BMERB1: variants seen among roughly 807,000 people sequenced by gnomAD.
The protein encoded by BMERB1 is bMERB domain containing 1.
In BMERB1, 12 loss-of-function variants were observed where a neutral mutation model predicts 23.6. The observed-to-expected ratio is 0.51, with a 90% CI of 0.33 to 0.82. The LOEUF (loss-of-function observed/expected upper bound fraction) is 0.82, where lower values mean the gene tolerates loss of function less well. BMERB1 is among the 40% of genes least tolerant of loss of function. The pLI is 0.03. For synonymous variants in BMERB1, 122 were observed against 96.6 expected, an observed-to-expected ratio of 1.26 and a Z score of -1.54; for missense variants, 247 against 255.4, an observed-to-expected ratio of 0.97 and a Z score of 0.22.
At chr16:15,457,090 T>C (rs971455073) in intron 1 of BMERB1, among the ~76,000 whole-genome samples, 2 of 152,186 alleles carry the variant, frequency 1.3e-5, no homozygotes, top group Non-Finnish European at 2.9e-5. Flanking sequence ...CCTCCCAAAA[T>C]GCTGGGATTG....
chr16:15,450,332 G>GA (rs1473216835), intron 1 of BMERB1, among the ~76,000 whole-genome samples: 4 of 151,242 alleles, frequency 2.6e-5, no homozygotes, highest in Non-Finnish European at 5.9e-5. Flanking sequence ...TCTCAAAAAA[G>GA]AAAAAAAAGG....
chr16:15,580,221 C>A (rs2030973315), intron 3 of BMERB1, among the ~76,000 whole-genome samples: 1 of 149,632 alleles, frequency 6.7e-6, no homozygotes, highest in Admixed American at 6.6e-5. Context: ...CTCAGCCTCC[C>A]AAGTAGCTGA....
intron 2 of BMERB1, among the ~76,000 whole-genome samples, chr16:15,529,676 T>C (rs2051948259): frequency 6.6e-6 from 1 of 152,022 alleles, no homozygotes; most frequent in African/African-American, 2.4e-5. Flanking sequence ...TGAAGATTGA[T>C]TGAATGAATT....
chr16:15,566,044 TC>T (rs79550166), intron 2 of BMERB1, among the ~76,000 whole-genome samples: 15,057 of 152,198 alleles, frequency 0.099, 2,278 homozygotes, highest in African/African-American at 0.33. Flanking sequence ...CTGATGTTCA[TC>T]CTGCAGTGGC....
intron 2 of BMERB1, among the ~76,000 whole-genome samples, chr16:15,523,609 C>T (rs924769711): frequency 6.6e-6 from 1 of 152,182 alleles, no homozygotes; most frequent in Non-Finnish European, 1.5e-5. Context: ...AATTCTACTT[C>T]TTACCAACTG....
intron 4 of BMERB1, among the ~76,000 whole-genome samples, chr16:15,582,120 G>T (rs145427131): frequency 6.6e-6 from 1 of 152,196 alleles, no homozygotes; most frequent in African/African-American, 2.4e-5. Context: ...TTCTATGGTC[G>T]GGTACAGTGG....
At chr16:15,562,382 C>T (rs2030448201) in intron 2 of BMERB1, among the ~76,000 whole-genome samples, 1 of 151,900 alleles carries the variant, frequency 6.6e-6, no homozygotes, top group African/African-American at 2.4e-5. Flanking sequence ...GTACCATGGC[C>T]CTTTGAGCCA....
chr16:15,435,208 C>T (rs1303120613), intron 1 of BMERB1, among the ~76,000 whole-genome samples: 1 of 152,198 alleles, frequency 6.6e-6, no homozygotes, highest in African/African-American at 2.4e-5. Flanking sequence ...CTTTCCTACC[C>T]CCTGCGTGAG....
intron 1 of BMERB1, among the ~76,000 whole-genome samples, chr16:15,495,568 A>G (rs983631977): frequency 6.6e-6 from 1 of 151,922 alleles, no homozygotes; most frequent in Non-Finnish European, 1.5e-5. Flanking sequence ...GGGTTTCACC[A>G]TGTTAGCCAG....
At chr16:15,572,915 G>C (rs551720246) in intron 3 of BMERB1, among the ~76,000 whole-genome samples, 1 of 152,188 alleles carries the variant, frequency 6.6e-6, no homozygotes, top group South Asian at 2.1e-4. Flanking sequence ...TTCCCCTTTC[G>C]CTTGATTCTC....
At chr16:15,480,858 G>A (rs976816492) in intron 1 of BMERB1, among the ~76,000 whole-genome samples, 2 of 150,928 alleles carry the variant, frequency 1.3e-5, no homozygotes, top group African/African-American at 4.9e-5. Flanking sequence ...AAGATCCACT[G>A]ACATCGGCCT....
At chr16:15,559,733 G>A (rs1189905328) in intron 2 of BMERB1, among the ~76,000 whole-genome samples, 1 of 152,150 alleles carries the variant, frequency 6.6e-6, no homozygotes, top group Non-Finnish European at 1.5e-5. Context: ...TGGGGTCGGG[G>A]GACAAGCTTC....
At chr16:15,556,957 T>C (rs1182438232) in intron 2 of BMERB1, among the ~76,000 whole-genome samples, 2 of 152,150 alleles carry the variant, frequency 1.3e-5, no homozygotes, top group Non-Finnish European at 2.9e-5. Context: ...AAGGAGACAA[T>C]AAAGACTATT....
chr16:15,483,597 C>G (rs1182035351), intron 1 of BMERB1, among the ~76,000 whole-genome samples: 1 of 152,112 alleles, frequency 6.6e-6, no homozygotes, highest in African/African-American at 2.4e-5. Flanking sequence ...CCAGGCTGGT[C>G]TCGAACTCTT....
intron 2 of BMERB1, among the ~76,000 whole-genome samples, chr16:15,543,101 G>GA (rs2052101903): frequency 6.6e-6 from 1 of 152,090 alleles, no homozygotes; most frequent in Non-Finnish European, 1.5e-5. Flanking sequence ...TTAAGTAGTG[G>GA]AAGTGGCTCT....
chr16:15,460,771 G>A (rs1940888642), intron 1 of BMERB1, among the ~76,000 whole-genome samples: 2 of 152,126 alleles, frequency 1.3e-5, no homozygotes, highest in South Asian at 4.1e-4. Flanking sequence ...TTGTGGGCTG[G>A]TAAAGGAGAC....
intron 1 of BMERB1, among the ~76,000 whole-genome samples, chr16:15,493,872 A>G (rs143709543): frequency 3.4e-4 from 52 of 152,332 alleles, no homozygotes; most frequent in Non-Finnish European, 5.0e-4. Context: ...AAAAACTGAA[A>G]TATTACTTTA....
chr16:15,461,299 C>G (rs917846368), intron 1 of BMERB1, among the ~76,000 whole-genome samples: 2 of 152,086 alleles, frequency 1.3e-5, no homozygotes, highest in African/African-American at 4.8e-5. Flanking sequence ...AAGGAACAGG[C>G]AAAGTCACAT....
intron 1 of BMERB1, among the ~76,000 whole-genome samples, chr16:15,454,704 A>G (rs527521101): frequency 1.3e-5 from 2 of 152,146 alleles, no homozygotes; most frequent in South Asian, 4.2e-4. Flanking sequence ...AGGCAGGAGA[A>G]TCGCTTGAAC....
Sources: gnomAD v4.1 joint callset for allele counts (sites outside exome capture counted in the v4.1 genomes callset) on GRCh38, gnomAD v4.1.1 for gene constraint, MANE v1.5 for transcripts, NCBI Gene and HGNC (gene_info 2026-07-23, HGNC 2026-07-21) for gene names.